The following HSPG2 variants were observed in gnomAD, a reference collection of about 807,000 sequenced individuals.
HSPG2 encodes the protein basement membrane-specific heparan sulfate proteoglycan core protein.
In HSPG2, 278 loss-of-function variants were observed where a neutral mutation model predicts 526.6. The observed-to-expected ratio is 0.53, with a 90% confidence interval of 0.48 to 0.58. HSPG2 has a LOEUF of 0.58. HSPG2 is among the 20% of genes least tolerant of loss of function. The probability of loss-of-function intolerance (pLI) is 0.00; values close to 1 mark genes in which losing one functional copy is unlikely to be tolerated. For synonymous variants in HSPG2, 2,465 were observed against 2,555.4 expected (o/e 0.96, Z 1.07); for missense variants, 5,354 against 6,099.5 (o/e 0.88, Z 4.07).
At chr1:21,831,949 TGTC>T (rs1242780339) in intron 81 of HSPG2, among the ~76,000 whole-genome samples, 153 bp from the exon 82 acceptor site, 2 of 152,086 alleles carry the variant, frequency 1.3e-5, no homozygotes, top group Non-Finnish European at 2.9e-5. Flanking sequence ...GTCCCTGTCT[TGTC>T]GTCCCTCCCC....
At chr1:21,910,277 GAA>G (rs1454227909) in intron 1 of HSPG2, among the ~76,000 whole-genome samples, 1 of 152,188 alleles carries the variant, frequency 6.6e-6, no homozygotes, top group Non-Finnish European at 1.5e-5. Flanking sequence ...AGACCTTCCT[GAA>G]ATTGTTCCTG....
intron 1 of HSPG2, among the ~76,000 whole-genome samples, chr1:21,911,775 G>A (rs1643696378): frequency 6.6e-6 from 1 of 152,120 alleles, no homozygotes; most frequent in African/African-American, 2.4e-5. Flanking sequence ...GAGGCTGTGA[G>A]CTTGGCCCAC....
chr1:21,860,792 G>A (rs1639728549), intron 39 of HSPG2, among the ~76,000 whole-genome samples: 1 of 152,206 alleles, frequency 6.6e-6, no homozygotes, highest in Non-Finnish European at 1.5e-5. Flanking sequence ...GCCAGCAAAT[G>A]TCCATTAAGC....
Position 21,847,696 on chromosome 1 carries a change from C to A in HSPG2, c.8018G>T (p.Arg2673Leu). 3 of 1,607,684 alleles carry A rather than the reference C, an allele frequency of 1.9e-6. No homozygotes were observed. The highest frequency in any genetic ancestry group is 2.5e-6 in the Non-Finnish European group (3 of 1,177,288). The part of the protein sequence containing the change: ...WYKRGGSLPS[R>L]HQTHGSHLRL... ...TGTGGCTCCACTCTGTACCTGGTGT[C>A]GGGAGGGAAGGCTGCCCCCACGCTT... is the stretch of plus-strand genomic sequence containing the variant. The change falls in exon 61 of 97, where the codon CGA becomes CTA. Residue 2673 changes from arginine (R) to leucine (L), a missense_variant. Coordinates refer to ENST00000374695, the MANE Select transcript of HSPG2 (RefSeq NM_005529.7). This position sits in a 1 kb window ranked among gnomAD's most constrained non-coding sequence, Gnocchi z 4.1.
chr1:21,850,516 G>A lies in HSPG2; in HGVS notation c.7159-18C>T, dbSNP rs2152717781. On this transcript the variant is annotated intron_variant, in intron 55 of 96. Transcript: ENST00000374695. Reference sequence around the variant, plus strand: ...CCGTGGGTCTGGCCAGAATGGGGGTGAGTCAGAGGGAGCCCTCAGGAGACC... The same window carrying A: ...CCGTGGGTCTGGCCAGAATGGGGGTAAGTCAGAGGGAGCCCTCAGGAGACC... 2 of 1,593,060 alleles carry A rather than the reference G, an allele frequency of 1.3e-6. No homozygotes were observed. The highest frequency in any genetic ancestry group is 1.7e-6 in the Non-Finnish European group (2 of 1,167,824).
At position 21,887,153 on chromosome 1, in the gene HSPG2, G is replaced by A. The variant is rs1572366452; in HGVS notation, c.1078+62C>T. The A allele has an allele frequency of 2.0e-5, 32 of 1,597,162 alleles. No individual in the cohort carries two copies. The East Asian group carries it at 3.8e-4, about 19-fold the overall frequency. ...TAGGGGCGGGGCAGGAGTGGAAGGC[G>A]GGGCAGGAGCAAGCGGCCTGGGCAG... On this transcript the variant is annotated intron_variant, in intron 9 of 96. Coordinates refer to ENST00000374695, the MANE Select transcript of HSPG2 (RefSeq NM_005529.7). This position sits in a 1 kb window ranked among gnomAD's most constrained non-coding sequence, Gnocchi z 5.0.
rs374748358 is a variant in HSPG2, at chr1:21,875,830, G to A, written c.3183+33C>T. ...GAGAGGCAGGAGCAAGGGCCTGCCC[G>A]CACCCCTACCCCCAGGGGACAGTAT... On this transcript the variant is annotated intron_variant, in intron 24 of 96. Transcript: ENST00000374695. 32 of 1,611,018 alleles carry A rather than the reference G, an allele frequency of 2.0e-5. No individual in the cohort carries two copies. In the African/African-American group the frequency reaches 2.3e-4, roughly 12 times the overall value.
At chr1:21,892,337 G>A (rs376230417) in intron 3 of HSPG2, among the ~76,000 whole-genome samples, 2 of 152,248 alleles carry the variant, frequency 1.3e-5, no homozygotes, top group Non-Finnish European at 2.9e-5. Context: ...TCAGCCCCAC[G>A]GCCCAGCGCG....
intron 1 of HSPG2, among the ~76,000 whole-genome samples, chr1:21,897,639 A>G (rs932314960): frequency 1.3e-5 from 2 of 151,816 alleles, no homozygotes; most frequent in Admixed American, 1.3e-4. Context: ...TGGATCTGAA[A>G]GAAGCCAGAC....
At chr1:21,880,925 C>G in intron 14 of HSPG2, 90 bp from the exon 15 acceptor site, 1 of 1,273,408 alleles carries the variant, frequency 7.9e-7, no homozygotes, top group South Asian at 1.3e-5. Context: ...CAGCTCCTCC[C>G]TCACTCTGCC....
intron 86 of HSPG2, 137 bp from the exon 87 acceptor site, chr1:21,829,741 G>A (rs2097993883): frequency 6.3e-6 from 5 of 792,496 alleles, no homozygotes; most frequent in Non-Finnish European, 9.9e-6. Context: ...GGCACCAGCT[G>A]CAGTGGCACA....
intron 44 of HSPG2, 135 bp from the exon 45 acceptor site, chr1:21,856,047 G>T: frequency 1.6e-6 from 2 of 1,250,312 alleles, no homozygotes; most frequent in Non-Finnish European, 2.2e-6. Flanking sequence ...GCCAGAGGGA[G>T]CTTGGGAAAT....
In HSPG2 at chr1:21,847,248, G is replaced by T; in HGVS notation, c.8164+106C>A. The T allele has an allele frequency of 7.8e-7, 1 of 1,286,192 alleles. No individual in the cohort carries two copies. 79.7% of individuals were successfully genotyped at this position (1,286,192 alleles called of 1,614,324 possible). On this transcript the variant is annotated intron_variant, in intron 62 of 96. Transcript: ENST00000374695. The surrounding 1 kb of genome is among the most constrained non-coding windows in gnomAD (Gnocchi z 4.1). Reference sequence around the variant, plus strand: ...ACTGAACCCACGCATCTTTCCGCTGGCCCTTGCCTGAGTACCACCAGGTCT... The same window carrying T: ...ACTGAACCCACGCATCTTTCCGCTGTCCCTTGCCTGAGTACCACCAGGTCT...
chr1:21,913,567 G>A (rs57418161), intron 1 of HSPG2, among the ~76,000 whole-genome samples: 12,655 of 152,144 alleles, frequency 0.083, 1,332 homozygotes, highest in African/African-American at 0.23. Context: ...CAACCCCCAG[G>A]CCTTAGGTTA....
At position 21,824,577 on chromosome 1, in the gene HSPG2, C is replaced by T. The variant is rs780964669; in HGVS notation, c.12704G>A (p.Arg4235Gln). 40 of 1,613,894 alleles carry T rather than the reference C, an allele frequency of 2.5e-5. No individual in the cohort carries two copies. Among genetic ancestry groups the T allele is most frequent in the South Asian group, 7.7e-5 (7 of 91,086 alleles). The part of the protein sequence containing the change: ...EVPETIELEV[R>Q]TSTASGLLLW... ...CAGGAGGCCACTGGCTGTGCTGGTC[C>T]GAACCTCCAGCTCGATGGTCTCGGG... Residue 4235 changes from arginine to glutamine, a missense_variant, in exon 93 of 97, where the codon CGG (arginine) becomes CAG (glutamine). Arg to Gln is a conservative substitution (Grantham distance 43). Transcript: ENST00000374695. The surrounding 1 kb of genome is among the most constrained non-coding windows in gnomAD (Gnocchi z 5.9).
chr1:21,866,660 G>T (rs958850669), intron 33 of HSPG2, among the ~76,000 whole-genome samples: 4 of 152,304 alleles, frequency 2.6e-5, no homozygotes, highest in South Asian at 2.1e-4. Context: ...TCATGACTGG[G>T]GAGTCCTTAC....
At position 21,849,049 on chromosome 1, in the gene HSPG2, G is replaced by T; in HGVS notation, c.7447-18C>A. 6.2e-7 allele frequency: 1 copy of T among 1,612,626 alleles called. No individual in the cohort carries two copies. The highest frequency in any genetic ancestry group is 8.5e-7 in the Non-Finnish European group (1 of 1,179,354). On this transcript the variant is annotated intron_variant, in intron 57 of 96. Transcript: ENST00000374695. ...CCATGCACCTGGGAGGGTCAGGAGGGAGGAGGCAGGCTCAGAGCTGGGCAC... is the reference window on the plus strand; with the variant it reads ...CCATGCACCTGGGAGGGTCAGGAGGTAGGAGGCAGGCTCAGAGCTGGGCAC...
At position 21,865,061 on chromosome 1, in the gene HSPG2, G is replaced by C; in HGVS notation, c.4408C>G (p.Arg1470Gly). The C allele has an allele frequency of 6.4e-7, 1 of 1,563,320 alleles. No individual in the cohort carries two copies. The highest frequency in any genetic ancestry group is 8.6e-7 in the Non-Finnish European group (1 of 1,157,364). The change falls in exon 36 of 97, where the codon CGG becomes GGG. Residue 1470 changes from arginine (R) to glycine (G), a missense_variant. Transcript: ENST00000374695. This position sits in a 1 kb window ranked among gnomAD's most constrained non-coding sequence, Gnocchi z 5.4. ...EIMFREEFWR[R>G]PDGQPATREH... ...CGTGTGGCCGGCTGCCCATCGGGCC[G>C]GCGCCAGAATTCCTGGGTTGGGGGT...
Position 21,822,488 on chromosome 1 carries a change from A to G in HSPG2, c.*828T>C, listed in dbSNP as rs977919218. 16 of 457,824 alleles carry G rather than the reference A, an allele frequency of 3.5e-5. No homozygotes were observed. Among genetic ancestry groups the G allele is most frequent in the Non-Finnish European group, 6.4e-5 (16 of 248,204 alleles). 28.4% of individuals were successfully genotyped at this position (457,824 alleles called of 1,614,324 possible). A position where few individuals can be genotyped will look rare whatever the true frequency, so the allele number is the denominator to read the frequency against. On this transcript the variant is annotated 3_prime_UTR_variant, in exon 97 of 97. Transcript: ENST00000374695. ...CTAGCTCTTCCTGAGCACCAGCGGC[A>G]TCCGTCCGTCCGTTGTCTGTTGGAG... is the stretch of plus-strand genomic sequence containing the variant.
Sources: allele counts gnomAD v4.1 joint callset (sites outside exome capture counted in the v4.1 genomes callset), GRCh38; gene constraint gnomAD v4.1.1; non-coding constraint Gnocchi (gnomAD v3.1); transcripts MANE v1.5; gene names NCBI Gene and HGNC (gene_info 2026-07-23, HGNC 2026-07-21).